Variants in ZNF423 observed in about 807,000 individuals in gnomAD.
The protein encoded by ZNF423 is zinc finger protein 423, also known as Ebf-associated zinc finger protein.
Under a neutral mutation model 95.8 loss-of-function variants are expected in ZNF423, and 12 were observed. The ratio of observed to expected loss-of-function variants is 0.13; its 90% confidence interval spans 0.08 to 0.20. ZNF423 has a LOEUF of 0.20. ZNF423 is among the 10% of genes least tolerant of loss of function. The pLI is 1.00. For synonymous variants in ZNF423, 749 were observed against 711.9 expected (o/e 1.05, Z -0.83); for missense variants, 1,316 against 1,737.1 (o/e 0.76, Z 4.31).
intron 1 of ZNF423, among the ~76,000 whole-genome samples, chr16:49,792,110 T>G (rs1237241151): frequency 6.6e-6 from 1 of 152,060 alleles, no homozygotes; most frequent in Non-Finnish European, 1.5e-5. Flanking sequence ...TTTTTGATTT[T>G]TTTTTCTTTT....
At chr16:49,706,728 A>G (rs1324016408) in intron 3 of ZNF423, among the ~76,000 whole-genome samples, 1 of 152,248 alleles carries the variant, frequency 6.6e-6, no homozygotes, top group Non-Finnish European at 1.5e-5. Context: ...AGAGATCTAA[A>G]CATCACCCGA....
intron 2 of ZNF423, among the ~76,000 whole-genome samples, chr16:49,739,484 G>A (rs1291539060): frequency 1.3e-5 from 2 of 152,130 alleles, no homozygotes; most frequent in Non-Finnish European, 2.9e-5. Flanking sequence ...CTGGGTCCAA[G>A]TGTGAATCCT....
chr16:49,851,440 C>CT (rs2144125910), intron 1 of ZNF423, among the ~76,000 whole-genome samples: 1 of 152,326 alleles, frequency 6.6e-6, no homozygotes, highest in African/African-American at 2.4e-5. Flanking sequence ...ATTCCACAGC[C>CT]ACTAGCTTAA....
intron 5 of ZNF423, among the ~76,000 whole-genome samples, chr16:49,551,398 C>T (rs938486572): frequency 2.0e-5 from 3 of 152,194 alleles, no homozygotes; most frequent in Non-Finnish European, 4.4e-5. Flanking sequence ...AAAATACACA[C>T]ACATCAGCTT....
intron 2 of ZNF423, among the ~76,000 whole-genome samples, chr16:49,765,053 G>A (rs2033905232): frequency 6.6e-6 from 1 of 151,688 alleles, no homozygotes; most frequent in Admixed American, 6.6e-5. Flanking sequence ...CCCCAGCCAA[G>A]TGCCTCCACC....
At chr16:49,527,805 G>A (rs1162494667) in intron 5 of ZNF423, among the ~76,000 whole-genome samples, 1 of 152,088 alleles carries the variant, frequency 6.6e-6, no homozygotes, top group Non-Finnish European at 1.5e-5. Flanking sequence ...TTTCCTATAT[G>A]CATGTACCCC....
intron 3 of ZNF423, among the ~76,000 whole-genome samples, chr16:49,729,451 C>T (rs1454995912): frequency 6.6e-6 from 1 of 152,026 alleles, no homozygotes; most frequent in Non-Finnish European, 1.5e-5. Flanking sequence ...CCTCCCTTTG[C>T]CCTAGTATTT....
intron 2 of ZNF423, among the ~76,000 whole-genome samples, chr16:49,773,178 A>G (rs9935155): frequency 0.54 from 82,583 of 151,948 alleles, 23,308 homozygotes; most frequent in African/African-American, 0.71. Flanking sequence ...AATTAGCCAG[A>G]CATGGTGGTG....
At chr16:49,814,294 T>A (rs778598764) in intron 1 of ZNF423, among the ~76,000 whole-genome samples, 1 of 152,020 alleles carries the variant, frequency 6.6e-6, no homozygotes, top group Non-Finnish European at 1.5e-5. Context: ...GGTGGGGGGA[T>A]GACATCCCCG....
chr16:49,522,117 G>A (rs1968423156), intron 7 of ZNF423, among the ~76,000 whole-genome samples: 2 of 152,210 alleles, frequency 1.3e-5, no homozygotes, highest in South Asian at 4.1e-4. Flanking sequence ...GCTGCATGCA[G>A]GTGCAGCAGT....
At chr16:49,586,675 G>C (rs1053394261) in intron 5 of ZNF423, among the ~76,000 whole-genome samples, 3 of 152,198 alleles carry the variant, frequency 2.0e-5, no homozygotes, top group African/African-American at 7.2e-5. Context: ...AGAGCCAGGG[G>C]ATCTCTTAGG....
At chr16:49,662,586 A>T (rs2030298019) in intron 3 of ZNF423, among the ~76,000 whole-genome samples, 1 of 152,206 alleles carries the variant, frequency 6.6e-6, no homozygotes, top group Admixed American at 6.5e-5. Context: ...TGAGCTTACA[A>T]TGCAAAGAGA....
chr16:49,579,218 C>T (rs568163672), intron 5 of ZNF423, among the ~76,000 whole-genome samples: 4 of 149,530 alleles, frequency 2.7e-5, no homozygotes, highest in Non-Finnish European at 5.9e-5. Context: ...CCTGCCCCCC[C>T]ACCCCCACCC....
chr16:49,754,010 G>A (rs1310136126), intron 2 of ZNF423, among the ~76,000 whole-genome samples: 1 of 145,288 alleles, frequency 6.9e-6, no homozygotes, highest in Non-Finnish European at 1.5e-5. Flanking sequence ...CAGCCTGGGC[G>A]ACAAGAGCAA....
rs1302981281 is a variant in ZNF423, at chr16:49,714,499, A to T, written c.301+16272T>A. 2.0e-5 allele frequency among the ~76,000 whole-genome samples: 3 copies of T among 152,048 alleles called. No homozygotes were observed. In the South Asian group the frequency reaches 6.2e-4, roughly 32 times the overall value. On this transcript the variant is annotated intron_variant, in intron 3 of 7. Transcript: ENST00000563137. ...TGGCAAAACCCCATCTCTACTAAAA[A>T]TACAAAAAATTAGCCAGGTGTCTGT... is the stretch of plus-strand genomic sequence containing the variant.
chr16:49,588,484 G>A (rs1321568231), intron 5 of ZNF423, among the ~76,000 whole-genome samples: 2 of 152,200 alleles, frequency 1.3e-5, no homozygotes, highest in African/African-American at 4.8e-5. Flanking sequence ...ATGAGCTGTT[G>A]CAAATTATGC....
chr16:49,498,199 C>G (rs148988852), intron 7 of ZNF423, among the ~76,000 whole-genome samples: 1 of 152,204 alleles, frequency 6.6e-6, no homozygotes, highest in South Asian at 2.1e-4. Flanking sequence ...TTAAGCCTCA[C>G]GACTGCCCTG....
intron 5 of ZNF423, among the ~76,000 whole-genome samples, chr16:49,604,725 C>G (rs1971480069): frequency 6.6e-6 from 1 of 152,124 alleles, no homozygotes; most frequent in Non-Finnish European, 1.5e-5. Flanking sequence ...AGATCCTTCT[C>G]CCATCCTCAA....
At chr16:49,502,679 C>CA (rs1479010813) in intron 7 of ZNF423, among the ~76,000 whole-genome samples, 7 of 152,028 alleles carry the variant, frequency 4.6e-5, no homozygotes, top group Non-Finnish European at 1.0e-4. Flanking sequence ...AGAGGCCAGG[C>CA]ATGGTAGAGG....
Sources: allele counts gnomAD v4.1 joint callset (sites outside exome capture counted in the v4.1 genomes callset), GRCh38; gene constraint gnomAD v4.1.1; transcripts MANE v1.5; gene names NCBI Gene and HGNC (gene_info 2026-07-23, HGNC 2026-07-21).